DNAJC18: variants seen among roughly 807,000 people sequenced by gnomAD.
DNAJC18 encodes the protein dnaJ homolog subfamily C member 18.
In DNAJC18, 40 loss-of-function variants were observed where a neutral mutation model predicts 48.6. The observed-to-expected ratio is 0.82, with a 90% CI of 0.64 to 1.07. DNAJC18 has a LOEUF of 1.07. Ranked by LOEUF, DNAJC18 falls within the 50% of genes least tolerant of loss-of-function variation. DNAJC18 has a pLI of 0.00. For synonymous variants in DNAJC18, 135 were observed against 152.2 expected (o/e 0.89, Z 0.83); for missense variants, 340 against 427.7 (o/e 0.79, Z 1.81).
chr5:139,426,450 C>G, intron 3 of DNAJC18, 93 bp from the exon 4 acceptor site: 1 of 1,452,494 alleles, frequency 6.9e-7, no homozygotes, highest in Non-Finnish European at 9.2e-7. Context: ...AGAGGTGACT[C>G]GTGCTGGACA....
At chr5:139,428,036 C>T (rs954242785) in intron 3 of DNAJC18, among the ~76,000 whole-genome samples, 1 of 152,196 alleles carries the variant, frequency 6.6e-6, no homozygotes, top group Admixed American at 6.5e-5. Context: ...CCTCCCACCT[C>T]AGCCTCCCAA....
At chr5:139,421,017 C>A (rs752186268) in intron 6 of DNAJC18, among the ~76,000 whole-genome samples, 2 of 152,322 alleles carry the variant, frequency 1.3e-5, no homozygotes, top group East Asian at 1.9e-4. Flanking sequence ...GCTCTCCCCT[C>A]ACTCTAAGGT....
chr5:139,424,117 A>T (rs1306840024), intron 5 of DNAJC18, among the ~76,000 whole-genome samples: 1 of 152,254 alleles, frequency 6.6e-6, no homozygotes, highest in Non-Finnish European at 1.5e-5. Context: ...CTTCTGGGTC[A>T]TCACTTTAAG....
At position 139,412,739 on chromosome 5, in the gene DNAJC18, C is replaced by A; in HGVS notation, c.*1409G>T. 2.5e-6 allele frequency: 1 copy of A among 398,660 alleles called. No individual in the cohort carries two copies. The highest frequency in any genetic ancestry group is 4.4e-6 in the Non-Finnish European group (1 of 226,100). The allele number at this position is 398,660 out of a possible 1,614,324, so 24.7% of individuals were successfully genotyped here. On this transcript the variant is annotated 3_prime_UTR_variant, in exon 8 of 8. Coordinates refer to ENST00000302060, the MANE Select transcript of DNAJC18 (RefSeq NM_152686.4). ...ATTCTTCCTAGTCACCAGTGGAGGG[C>A]TGCCTGCCTGTGAGGGACCTCTTAT...
In DNAJC18 at chr5:139,439,297, T is replaced by TATCC. The variant is rs1750743563; in HGVS notation, c.40+105_40+108dup. ...GGCTCAGCATCTTTTCACAGGCCTC[T>TATCC]ATCCATCACCTCAGACCCAGGATCT... On this transcript the variant is annotated intron_variant, in intron 1 of 7. Transcript: ENST00000302060. This position sits in a 1 kb window ranked among gnomAD's most constrained non-coding sequence, Gnocchi z 4.1. The TATCC allele has an allele frequency of 6.5e-7, 1 of 1,546,128 alleles. No homozygotes were observed. The highest frequency in any genetic ancestry group is 8.9e-7 in the Non-Finnish European group (1 of 1,126,364).
Position 139,411,310 on chromosome 5 carries a change from C to T in DNAJC18, c.*2838G>A, listed in dbSNP as rs928769691. 6.6e-6 allele frequency: 1 copy of T among 152,236 alleles called. No individual in the cohort carries two copies. The highest frequency in any genetic ancestry group is 1.5e-5 in the Non-Finnish European group (1 of 68,040). The allele number at this position is 152,236 out of a possible 1,614,324, so 9.4% of individuals were successfully genotyped here. A position where few individuals can be genotyped will look rare whatever the true frequency, so the allele number is the denominator to read the frequency against. ...GATCGTGCGGTAGAGAGAGCATCTT[C>T]ATTTGAATGAGAGCTTCAGTTTCTG... On this transcript the variant is annotated 3_prime_UTR_variant, in exon 8 of 8. Transcript: ENST00000302060.
Position 139,412,755 on chromosome 5 carries a change from G to A in DNAJC18, c.*1393C>T. On this transcript the variant is annotated 3_prime_UTR_variant, in exon 8 of 8. Coordinates refer to ENST00000302060, the MANE Select transcript of DNAJC18 (RefSeq NM_152686.4). ...AGTGGAGGGCTGCCTGCCTGTGAGG[G>A]ACCTCTTATTTTGTGTACAGAATTT... 1 of 398,666 alleles carries A rather than the reference G, an allele frequency of 2.5e-6. No homozygotes were observed. The highest frequency in any genetic ancestry group is 3.6e-5 in the East Asian group (1 of 28,082). 24.7% of individuals were successfully genotyped at this position (398,666 alleles called of 1,614,324 possible). A position where few individuals can be genotyped will look rare whatever the true frequency, so the allele number is the denominator to read the frequency against.
intron 2 of DNAJC18, 48 bp downstream of exon 2, chr5:139,437,324 C>T (rs1346595355): frequency 6.5e-7 from 1 of 1,550,154 alleles, no homozygotes; most frequent in Non-Finnish European, 8.7e-7. Context: ...AGGCACTCTT[C>T]TAAGCACTTT....
chr5:139,434,295 C>T (rs1759375912), intron 2 of DNAJC18, among the ~76,000 whole-genome samples: 2 of 152,002 alleles, frequency 1.3e-5, no homozygotes, highest in Non-Finnish European at 2.9e-5. Flanking sequence ...GTTCAAAGGC[C>T]AACTGTATCT....
intron 7 of DNAJC18, chr5:139,419,233 A>G: frequency 2.3e-6 from 1 of 431,942 alleles, no homozygotes; most frequent in Non-Finnish European, 4.6e-6. Context: ...CACAGTCACT[A>G]ACGCGGTATG....
In DNAJC18 at chr5:139,420,419, C is replaced by A. The variant is rs1183746258; in HGVS notation, c.780-194G>T. On this transcript the variant is annotated intron_variant, in intron 6 of 7. Transcript: ENST00000302060. ...CATCATCATAATTGTATTATGTAAG[C>A]AAGTTCATACTATGAATTCAGCTTC... 4 of 546,940 alleles carry A rather than the reference C, an allele frequency of 7.3e-6. No homozygotes were observed. In the East Asian group the frequency reaches 1.4e-4, roughly 19 times the overall value. The allele number at this position is 546,940 out of a possible 1,614,324, so 33.9% of individuals were successfully genotyped here.
chr5:139,428,520 A>G lies in DNAJC18; in HGVS notation c.373+18T>C. On this transcript the variant is annotated intron_variant, in intron 3 of 7. Coordinates refer to ENST00000302060, the MANE Select transcript of DNAJC18 (RefSeq NM_152686.4). The stretch of plus-strand genomic sequence containing the variant: ...AACCATGACAAGGGCACCATTGAGC[A>G]TTGGTTCAGGATCAGACCTTTGAAA... 1 of 1,601,420 alleles carries G rather than the reference A, an allele frequency of 6.2e-7. No homozygotes were observed. The highest frequency in any genetic ancestry group is 8.5e-7 in the Non-Finnish European group (1 of 1,176,424).
At chr5:139,414,361 C>A (rs1759040732) in intron 7 of DNAJC18, 89 bp from the exon 8 acceptor site, 4 of 1,493,210 alleles carry the variant, frequency 2.7e-6, no homozygotes, top group East Asian at 4.6e-5. Flanking sequence ...CCTTTTACTT[C>A]ATTTCAAGCT....
At chr5:139,428,462 T>G in intron 3 of DNAJC18, 76 bp downstream of exon 3, 1 of 1,544,142 alleles carries the variant, frequency 6.5e-7, no homozygotes. Context: ...ATAAAACAAC[T>G]ATGGGGAAGG....
rs373787201 is a variant in DNAJC18 at position 139,411,049 on chromosome 5, A to C, written c.*3099T>G. Reference sequence around the variant, plus strand: ...CTTTCAAAGTGCTGGGATTACAGGCATGAGCTACTGGGCCTGGCCAGTTCA... The same window carrying C: ...CTTTCAAAGTGCTGGGATTACAGGCCTGAGCTACTGGGCCTGGCCAGTTCA... On this transcript the variant is annotated 3_prime_UTR_variant, in exon 8 of 8. Transcript: ENST00000302060. 1.9e-4 allele frequency: 29 copies of C among 152,382 alleles called. No homozygotes were observed. In the East Asian group the frequency reaches 2.3e-3, roughly 12 times the overall value. The allele number at this position is 152,382 out of a possible 1,614,324, so 9.4% of individuals were successfully genotyped here.
rs576140152 is a variant in DNAJC18, at chr5:139,415,934, T to A, written c.953-1662A>T. Reference sequence around the variant, plus strand: ...ATTAAGGGCTAGTGACTCTTTATATTTTCTACATTGAAGGCCACTTCAACA... The same window carrying A: ...ATTAAGGGCTAGTGACTCTTTATATATTCTACATTGAAGGCCACTTCAACA... On this transcript the variant is annotated intron_variant, in intron 7 of 7. Coordinates refer to ENST00000302060, the MANE Select transcript of DNAJC18 (RefSeq NM_152686.4). Among the ~76,000 whole-genome samples, 6 of 152,338 alleles carry A rather than the reference T, an allele frequency of 3.9e-5. No individual in the cohort carries two copies. The East Asian group carries it at 1.2e-3, about 29-fold the overall frequency.
At chr5:139,438,310 C>T (rs1469137749) in intron 1 of DNAJC18, among the ~76,000 whole-genome samples, 1 of 145,396 alleles carries the variant, frequency 6.9e-6, no homozygotes, top group Non-Finnish European at 1.5e-5. Context: ...AGCGAGACTC[C>T]GTCTCAAAAA....
chr5:139,431,921 C>G lies in DNAJC18; in HGVS notation c.228-3238G>C, dbSNP rs142893264. On this transcript the variant is annotated intron_variant, in intron 2 of 7. Transcript: ENST00000302060. ...CATTGTGGTTTTGATTTGCATTTCC[C>G]TAATGACTAAAGATGTTGAACAAGT... Among the ~76,000 whole-genome samples, 16 of 152,210 alleles carry G rather than the reference C, an allele frequency of 1.1e-4. 1 individual carries two copies. Among genetic ancestry groups the G allele is most frequent in the African/African-American group, 3.6e-4 (15 of 41,524 alleles).
Position 139,426,402 on chromosome 5 carries a change from T to C in DNAJC18, c.374-45A>G, listed in dbSNP as rs772902686. 3.1e-6 allele frequency: 5 copies of C among 1,598,332 alleles called. No individual in the cohort carries two copies. In the East Asian group the frequency reaches 8.9e-5, roughly 29 times the overall value. On this transcript the variant is annotated intron_variant, in intron 3 of 7. Transcript: ENST00000302060. ...GCACATGAGGACACAGTCTTTGCTA[T>C]GGCTGAGAGTGATCACAGCAGCAGT... is the stretch of plus-strand genomic sequence containing the variant.
Sources: gnomAD v4.1 joint callset for allele counts (sites outside exome capture counted in the v4.1 genomes callset) on GRCh38, gnomAD v4.1.1 for gene constraint, Gnocchi (gnomAD v3.1) non-coding constraint, MANE v1.5 for transcripts, NCBI Gene and HGNC (gene_info 2026-07-23, HGNC 2026-07-21) for gene names.